The following TENM3 variants were observed in gnomAD, a reference collection of about 807,000 sequenced individuals.
TENM3 encodes the protein teneurin-3.
TENM3 carries 63 observed loss-of-function variants against 255.1 expected under a neutral mutation model. The observed-to-expected ratio is 0.25, with a 90% confidence interval of 0.20 to 0.30. The LOEUF is 0.30. TENM3 is among the 10% of genes least tolerant of loss of function. TENM3 has a pLI of 1.00. For synonymous variants in TENM3, 1,306 were observed against 1,322.3 expected (o/e 0.99, Z 0.27); for missense variants, 2,929 against 3,461.1 (o/e 0.85, Z 3.86).
chr4:182,444,523 C>G (rs766060645), intron 3 of TENM3, among the ~76,000 whole-genome samples: 9 of 152,164 alleles, frequency 5.9e-5, no homozygotes, highest in Non-Finnish European at 1.0e-4. Context: ...ACGACAATCC[C>G]TAATTCCGGT....
chr4:182,100,798 CATATATATACACATATATATACACAT>C, the TENM3 span, among the ~76,000 whole-genome samples: 1 of 12,732 alleles, frequency 7.9e-5, no homozygotes, highest in African/African-American at 3.1e-4. Context: ...TATATATACA[CATATATATACACATATATATACACAT>C]ATATATATAT....
At chr4:182,464,087 A>G (rs1321039393) in intron 3 of TENM3, among the ~76,000 whole-genome samples, 5 of 152,346 alleles carry the variant, frequency 3.3e-5, no homozygotes, top group Middle Eastern at 3.4e-3. Context: ...ATAATTGTTC[A>G]TGAATCATTA....
the TENM3 span, among the ~76,000 whole-genome samples, chr4:181,797,158 C>CT: frequency 2.7e-5 from 4 of 150,254 alleles, no homozygotes; most frequent in African/African-American, 9.8e-5. Flanking sequence ...TTTTTTTAAT[C>CT]TTTTTTCCTT....
At chr4:181,629,918 G>A in the TENM3 span, among the ~76,000 whole-genome samples, 7 of 152,200 alleles carry the variant, frequency 4.6e-5, 1 homozygote, top group Admixed American at 4.6e-4. Context: ...AATGGTACCA[G>A]CTCCTCCTTG....
intron 13 of TENM3, among the ~76,000 whole-genome samples, chr4:182,724,468 A>G (rs1170669057): frequency 2.0e-5 from 3 of 152,258 alleles, no homozygotes; most frequent in Non-Finnish European, 4.4e-5. Context: ...CTGCAGAAGA[A>G]TAACAAACAG....
chr4:181,592,438 T>C, the TENM3 span, among the ~76,000 whole-genome samples: 1 of 151,624 alleles, frequency 6.6e-6, no homozygotes, highest in Non-Finnish European at 1.5e-5. Flanking sequence ...TGAGAAGCTG[T>C]GCAAGGATGC....
At chr4:181,852,508 C>A in the TENM3 span, among the ~76,000 whole-genome samples, 4 of 152,202 alleles carry the variant, frequency 2.6e-5, no homozygotes, top group South Asian at 4.1e-4. Context: ...AAAATCTGGC[C>A]TTCTTGTTTG....
At chr4:182,425,965 A>G (rs188153780) in intron 3 of TENM3, among the ~76,000 whole-genome samples, 200 of 145,572 alleles carry the variant, frequency 1.4e-3, no homozygotes, top group South Asian at 7.6e-3. Context: ...CTGTGATCGC[A>G]CCATTGCACT....
At chr4:182,516,550 G>A (rs183606887) in intron 3 of TENM3, among the ~76,000 whole-genome samples, 2 of 152,244 alleles carry the variant, frequency 1.3e-5, no homozygotes, top group East Asian at 1.9e-4. Flanking sequence ...AGAGTTGGCT[G>A]TACTTTCCCA....
intron 3 of TENM3, among the ~76,000 whole-genome samples, chr4:182,465,413 C>T (rs190464033): frequency 4.6e-5 from 7 of 152,180 alleles, no homozygotes; most frequent in Non-Finnish European, 8.8e-5. Flanking sequence ...TCAGGGAGCA[C>T]ACGGCTGTGT....
intron 3 of TENM3, among the ~76,000 whole-genome samples, chr4:182,478,643 A>G (rs112218062): frequency 5.5e-4 from 83 of 152,096 alleles, no homozygotes; most frequent in African/African-American, 1.8e-3. Context: ...TAAATATACC[A>G]TTGTAGCATT....
chr4:181,704,171 C>A, the TENM3 span, among the ~76,000 whole-genome samples: 1 of 152,166 alleles, frequency 6.6e-6, no homozygotes, highest in Non-Finnish European at 1.5e-5. Context: ...TTTAAGCAAT[C>A]GCGTTTGTAT....
intron 12 of TENM3, among the ~76,000 whole-genome samples, chr4:182,697,655 G>A (rs1376559159): frequency 6.6e-6 from 1 of 152,120 alleles, no homozygotes; most frequent in East Asian, 1.9e-4. Context: ...TTCTTCCATT[G>A]AGATGACAGT....
the TENM3 span, among the ~76,000 whole-genome samples, chr4:181,868,565 T>C: frequency 6.6e-6 from 1 of 152,320 alleles, no homozygotes; most frequent in East Asian, 1.9e-4. Flanking sequence ...CTTCTCATAT[T>C]TGTGCTTAAT....
intron 12 of TENM3, among the ~76,000 whole-genome samples, chr4:182,695,057 G>A (rs1757296049): frequency 6.6e-6 from 1 of 152,140 alleles, no homozygotes; most frequent in African/African-American, 2.4e-5. Flanking sequence ...AAAACAATAT[G>A]TAATTCTAAA....
At chr4:182,490,474 T>A (rs1735184556) in intron 3 of TENM3, among the ~76,000 whole-genome samples, 1 of 152,112 alleles carries the variant, frequency 6.6e-6, no homozygotes, top group Non-Finnish European at 1.5e-5. Context: ...CTCAGTGCTC[T>A]CCTCTGCTGG....
chr4:182,197,612 C>T (rs879854196), intron 1 of TENM3, among the ~76,000 whole-genome samples: 1 of 152,002 alleles, frequency 6.6e-6, no homozygotes, highest in Non-Finnish European at 1.5e-5. Context: ...TGTAAAGGGC[C>T]CTAAATAGGT....
the TENM3 span, among the ~76,000 whole-genome samples, chr4:182,114,576 T>C: frequency 6.6e-6 from 1 of 152,114 alleles, no homozygotes; most frequent in Non-Finnish European, 1.5e-5. Flanking sequence ...ATAATATATA[T>C]GTTTATAGAT....
the TENM3 span, among the ~76,000 whole-genome samples, chr4:181,701,471 A>C: frequency 6.6e-6 from 1 of 152,150 alleles, no homozygotes; most frequent in Admixed American, 6.5e-5. Context: ...AAAACCCTGT[A>C]GTCAGACGAG....
Sources: allele counts gnomAD v4.1 joint callset (sites outside exome capture counted in the v4.1 genomes callset), GRCh38; gene constraint gnomAD v4.1.1; transcripts MANE v1.5; gene names NCBI Gene and HGNC (gene_info 2026-07-23, HGNC 2026-07-21).